The following LYZL6 variants were observed in gnomAD, a reference collection of about 807,000 sequenced individuals.
LYZL6 encodes lysozyme like 6.
LYZL6 carries 21 observed loss-of-function variants against 15.0 expected under a neutral mutation model. That is an observed-to-expected ratio of 1.40 (90% confidence interval 1.00 to 2.02). The LOEUF (loss-of-function observed/expected upper bound fraction) is 2.02. Among genes scored for constraint, LYZL6 ranks in the 30% most tolerant of loss-of-function variants. The pLI is 0.00. For synonymous variants in LYZL6, 72 were observed against 67.8 expected (o/e 1.06, Z -0.31); for missense variants, 173 against 180.5 (o/e 0.96, Z 0.24).
At chr17:35,939,012 A>G (rs1385690518) in intron 2 of LYZL6, among the ~76,000 whole-genome samples, 1 of 152,196 alleles carries the variant, frequency 6.6e-6, no homozygotes, top group Non-Finnish European at 1.5e-5. Context: ...GTTTATCTCT[A>G]CAGCCCCAGT....
At chr17:35,938,955 G>C (rs1180807196) in intron 2 of LYZL6, among the ~76,000 whole-genome samples, 2 of 152,182 alleles carry the variant, frequency 1.3e-5, no homozygotes, top group African/African-American at 4.8e-5. Context: ...TGTGTTTGTT[G>C]CTGCTCTCTT....
intron 2 of LYZL6, 72 bp from the exon 3 acceptor site, chr17:35,937,988 G>T: frequency 6.8e-7 from 1 of 1,481,206 alleles, no homozygotes; most frequent in South Asian, 1.2e-5. Flanking sequence ...GGAGGAGAAA[G>T]GGAGGCAAGG....
chr17:35,936,710 C>T lies in LYZL6; in HGVS notation c.377+45G>A, dbSNP rs761196782. The stretch of plus-strand genomic sequence containing the variant: ...ACTGCCCTTTTCTCTGTCACGTCCT[C>T]CTTCGTGGGGCTCTGCCCGCTGAGT... On this transcript the variant is annotated intron_variant, in intron 4 of 4. Transcript: ENST00000615905. The T allele has an allele frequency of 1.9e-6, 3 of 1,564,356 alleles. No individual in the cohort carries two copies. The South Asian group carries it at 3.3e-5, about 17-fold the overall frequency.
Position 35,942,596 on chromosome 17 carries a change from G to C in LYZL6, c.-203+971C>G, listed in dbSNP as rs187835257. 1.3e-4 allele frequency among the ~76,000 whole-genome samples: 20 copies of C among 152,276 alleles called. No homozygotes were observed. In the East Asian group the frequency reaches 3.5e-3, roughly 26 times the overall value. On this transcript the variant is annotated intron_variant, in intron 1 of 4. Coordinates refer to ENST00000615905, the MANE Select transcript of LYZL6 (RefSeq NM_020426.4). ...TCCTTTTAACGCAAAGCAGCTCAAAGATAGCTCCCTTTCTAACCTCACGCA... is the reference window on the plus strand; with the variant it reads ...TCCTTTTAACGCAAAGCAGCTCAAACATAGCTCCCTTTCTAACCTCACGCA...
At chr17:35,942,334 C>G (rs1029634946) in intron 1 of LYZL6, among the ~76,000 whole-genome samples, 7 of 152,178 alleles carry the variant, frequency 4.6e-5, no homozygotes, top group African/African-American at 1.4e-4. Context: ...ATCTGAAAAC[C>G]TGGGACTATT....
At position 35,939,387 on chromosome 17, in the gene LYZL6, T is replaced by C. The variant is rs765528413; in HGVS notation, c.-31A>G. ...GAGGGGAGGAGGTGCAGCTGAGGGC[T>C]GATGGTTCTTAGGGTCTTGCAGACT... is the stretch of plus-strand genomic sequence containing the variant. On this transcript the variant is annotated 5_prime_UTR_variant, in exon 2 of 5. Transcript: ENST00000615905. 6.2e-7 allele frequency: 1 copy of C among 1,610,184 alleles called. No homozygotes were observed. Among genetic ancestry groups the C allele is most frequent in the South Asian group, 1.1e-5 (1 of 90,652 alleles).
At chr17:35,936,483 A>G (rs2089374207) in intron 4 of LYZL6, among the ~76,000 whole-genome samples, 1 of 152,222 alleles carries the variant, frequency 6.6e-6, no homozygotes, top group Non-Finnish European at 1.5e-5. Context: ...GCCCAGCTGC[A>G]GCCCTTGAGT....
chr17:35,936,591 A>G (rs1330640294), intron 4 of LYZL6, 164 bp downstream of exon 4: 1 of 602,746 alleles, frequency 1.7e-6, no homozygotes, highest in South Asian at 2.1e-5. Context: ...GTTTAATACA[A>G]TATCATAGAA....
At chr17:35,939,584 T>C (rs973446676) in intron 1 of LYZL6, 26 bp from the exon 2 acceptor site, 5 of 389,644 alleles carry the variant, frequency 1.3e-5, no homozygotes, top group Non-Finnish European at 2.3e-5. Context: ...GAGAATAGTA[T>C]CATGAACCTC....
Position 35,937,757 on chromosome 17 carries a change from C to G in LYZL6, c.298+1G>C, listed in dbSNP as rs201666254. On this transcript the variant is annotated splice_donor_variant, in intron 3 of 4. Coordinates refer to ENST00000615905, the MANE Select transcript of LYZL6 (RefSeq NM_020426.4). LOFTEE classifies it high-confidence loss of function. Reference sequence around the variant, plus strand: ...CTCCCACCCTGGGGCCCTGGCCAGACCTTGACAGTCTACGTGGCAAAGGTT... The same window carrying G: ...CTCCCACCCTGGGGCCCTGGCCAGAGCTTGACAGTCTACGTGGCAAAGGTT... The G allele has an allele frequency of 6.2e-7, 1 of 1,613,844 alleles. No homozygotes were observed. The highest frequency in any genetic ancestry group is 8.5e-7 in the Non-Finnish European group (1 of 1,179,906).
intron 2 of LYZL6, 138 bp downstream of exon 2, chr17:35,939,080 G>T (rs2089402606): frequency 1.1e-6 from 1 of 937,488 alleles, no homozygotes; most frequent in Non-Finnish European, 1.6e-6. Flanking sequence ...AGTGAATACA[G>T]CGTGTTGGGA....
chr17:35,937,245 C>T (rs1233508100), intron 3 of LYZL6, among the ~76,000 whole-genome samples: 2 of 152,274 alleles, frequency 1.3e-5, no homozygotes, highest in Non-Finnish European at 2.9e-5. Context: ...AGTCATGGGC[C>T]CTGTCGAGCC....
Position 35,936,831 on chromosome 17 carries a change from G to A in LYZL6, c.301C>T (p.Leu101=), listed in dbSNP as rs2089378111. ...CCTGCAAGAAGGTTGGGATTCAGCAGATCTGAAAGGGAGGAAGAGAAAACC... is the reference window on the plus strand; with the variant it reads ...CCTGCAAGAAGGTTGGGATTCAGCAAATCTGAAAGGGAGGAAGAGAAAACC... The part of the protein sequence containing the change: ...ENLCHVDCQD[L]LNPNLLAGIH... Residue 101 remains leucine, a splice_region_variant and synonymous_variant, in exon 4 of 5, where the codon CTG becomes TTG. Coordinates refer to ENST00000615905, the MANE Select transcript of LYZL6 (RefSeq NM_020426.4). The A allele has an allele frequency of 6.2e-7, 1 of 1,613,374 alleles. No homozygotes were observed.
intron 4 of LYZL6, 98 bp downstream of exon 4, chr17:35,936,657 G>T: frequency 1.0e-6 from 1 of 970,706 alleles, no homozygotes; most frequent in Non-Finnish European, 1.6e-6. Context: ...TCTAGACACT[G>T]CAAGGGCGTG....
At chr17:35,935,564 G>A (rs2089364397) in intron 4 of LYZL6, among the ~76,000 whole-genome samples, 1 of 151,156 alleles carries the variant, frequency 6.6e-6, no homozygotes, top group African/African-American at 2.4e-5. Flanking sequence ...TAAGGAGCAT[G>A]GACAGAAAGC....
At chr17:35,935,815 AC>A (rs1161385170) in intron 4 of LYZL6, among the ~76,000 whole-genome samples, 2 of 143,040 alleles carry the variant, frequency 1.4e-5, no homozygotes, top group Non-Finnish European at 3.0e-5. Flanking sequence ...CCCAGCCGCC[AC>A]ATTTTTTTTT....
At position 35,934,562 on chromosome 17, in the gene LYZL6, C is replaced by CTTTTTTTTTTTTTTTTTTTTTTTTTT; in HGVS notation, c.*233_*234insAAAAAAAAAAAAAAAAAAAAAAAAAA. 1 of 531,744 alleles carries CTTTTTTTTTTTTTTTTTTTTTTTTTT rather than the reference C, an allele frequency of 1.9e-6. No homozygotes were observed. Among genetic ancestry groups the CTTTTTTTTTTTTTTTTTTTTTTTTTT allele is most frequent in the East Asian group, 3.0e-5 (1 of 33,436 alleles). 32.9% of individuals were successfully genotyped at this position (531,744 alleles called of 1,614,324 possible). On this transcript the variant is annotated 3_prime_UTR_variant, in exon 5 of 5. Coordinates refer to ENST00000615905, the MANE Select transcript of LYZL6 (RefSeq NM_020426.4). ...AATATTTCGATAAATATAAAGATTT[C>CTTTTTTTTTTTTTTTTTTTTTTTTTT]TTTATTGTGGTCCTCAGTTTACAAA...
At chr17:35,937,299 G>A (rs1038870858) in intron 3 of LYZL6, among the ~76,000 whole-genome samples, 2 of 152,160 alleles carry the variant, frequency 1.3e-5, no homozygotes, top group African/African-American at 4.8e-5. Flanking sequence ...TTGGTCTTTG[G>A]TCAGATCATT....
At chr17:35,939,620 A>G (rs2141968152) in intron 1 of LYZL6, 62 bp from the exon 2 acceptor site, 1 of 300,330 alleles carries the variant, frequency 3.3e-6, no homozygotes, top group Admixed American at 4.9e-5. Flanking sequence ...GAGCTTCAAC[A>G]TTCAAAAACC....
Sources: gnomAD v4.1 joint callset for allele counts (sites outside exome capture counted in the v4.1 genomes callset) on GRCh38, gnomAD v4.1.1 for gene constraint, MANE v1.5 for transcripts, NCBI Gene and HGNC (gene_info 2026-07-23, HGNC 2026-07-21) for gene names.